The following UNC13C variants were observed in gnomAD, a reference collection of about 807,000 sequenced individuals.
The protein encoded by UNC13C is unc-13 homolog C.
In UNC13C, 174 loss-of-function variants were observed where a neutral mutation model predicts 245.4. That is an observed-to-expected ratio of 0.71 (90% CI 0.63 to 0.80). The LOEUF (loss-of-function observed/expected upper bound fraction) is 0.80, where lower values mean the gene tolerates loss of function less well. Ranked by LOEUF, UNC13C falls within the 30% of genes least tolerant of loss-of-function variation. The pLI, the probability that UNC13C is intolerant of heterozygous loss-of-function variation, is 0.00. For missense variants in UNC13C, 2,829 were observed against 2,602.9 expected, an observed-to-expected ratio of 1.09 and a Z score of -1.89; for synonymous variants, 992 against 895.1, an observed-to-expected ratio of 1.11 and a Z score of -1.93.
intron 19 of UNC13C, among the ~76,000 whole-genome samples, chr15:54,470,718 A>G (rs1158789700): frequency 6.6e-6 from 1 of 150,898 alleles, no homozygotes; most frequent in Non-Finnish European, 1.5e-5. Context: ...TTAGTCTTTT[A>G]AATTGCTTTT....
chr15:54,334,220 C>T (rs1057356648), intron 16 of UNC13C, among the ~76,000 whole-genome samples: 1 of 152,090 alleles, frequency 6.6e-6, no homozygotes, highest in Non-Finnish European at 1.5e-5. Flanking sequence ...TTTTTTGCTA[C>T]AAGAAAGTAG....
intron 4 of UNC13C, among the ~76,000 whole-genome samples, chr15:54,218,033 G>T (rs1363100028): frequency 6.6e-6 from 1 of 151,984 alleles, no homozygotes; most frequent in African/African-American, 2.4e-5. Context: ...AAGTAGAGAT[G>T]AGTAATATCA....
Position 54,014,508 on chromosome 15 carries a change from G to GCACT in UNC13C, c.1609_1612dup (p.Gln538LeufsTer4), listed in dbSNP as rs1895544703. On this transcript the variant is annotated frameshift_variant, in exon 2 of 33. Transcript: ENST00000260323. LOFTEE classifies it high-confidence loss of function. ...ATTATGCAGATGCAACACCTCTCTG[G>GCACT]CACTCACAGAGTGATTTTTTCACTG... The GCACT allele has an allele frequency of 1.2e-6, 2 of 1,613,680 alleles. No individual in the cohort carries two copies. The highest frequency in any genetic ancestry group is 2.7e-5 in the African/African-American group (2 of 74,918).
At chr15:54,589,976 G>A (rs1898698928) in intron 30 of UNC13C, among the ~76,000 whole-genome samples, 1 of 152,196 alleles carries the variant, frequency 6.6e-6, no homozygotes. Flanking sequence ...TAAGATGAGA[G>A]ATGAGGATCC....
At chr15:54,421,912 A>G (rs1170472049) in intron 19 of UNC13C, among the ~76,000 whole-genome samples, 1 of 152,070 alleles carries the variant, frequency 6.6e-6, no homozygotes, top group Non-Finnish European at 1.5e-5. Context: ...TCAATGCAAC[A>G]CAACAGGCAT....
At chr15:54,173,898 T>A (rs770251207) in intron 4 of UNC13C, among the ~76,000 whole-genome samples, 11 of 152,122 alleles carry the variant, frequency 7.2e-5, no homozygotes, top group East Asian at 5.8e-4. Context: ...CAGTTTTTTT[T>A]AATCATAAAT....
intron 4 of UNC13C, among the ~76,000 whole-genome samples, chr15:54,196,034 A>T (rs1046359283): frequency 3.3e-5 from 5 of 152,112 alleles, no homozygotes; most frequent in African/African-American, 1.2e-4. Flanking sequence ...ACTTATGAAC[A>T]CTGAAACAGT....
At chr15:54,481,772 G>A (rs1368166867) in intron 19 of UNC13C, among the ~76,000 whole-genome samples, 2 of 151,684 alleles carry the variant, frequency 1.3e-5, no homozygotes, top group East Asian at 1.9e-4. Flanking sequence ...GGTGTGTAGA[G>A]CAGCCCTGTC....
chr15:54,109,889 T>A (rs1426306897), intron 2 of UNC13C, among the ~76,000 whole-genome samples: 1 of 152,106 alleles, frequency 6.6e-6, no homozygotes, highest in Non-Finnish European at 1.5e-5. Flanking sequence ...CTCACTCTGC[T>A]TGGTGGCTAT....
At chr15:54,001,390 T>A (rs891729674) in intron 1 of UNC13C, among the ~76,000 whole-genome samples, 2 of 152,200 alleles carry the variant, frequency 1.3e-5, no homozygotes, top group Non-Finnish European at 2.9e-5. Context: ...AAAACACTTT[T>A]AACTGCATGT....
intron 4 of UNC13C, among the ~76,000 whole-genome samples, chr15:54,195,292 G>A (rs2034317093): frequency 1.3e-5 from 2 of 152,152 alleles, no homozygotes; most frequent in South Asian, 4.2e-4. Context: ...TCATTGGCTG[G>A]CAGATAAAAT....
intron 19 of UNC13C, among the ~76,000 whole-genome samples, chr15:54,455,205 CTATATATATATATATATA>C (rs1214014395): frequency 5.3e-5 from 1 of 18,974 alleles, no homozygotes. Flanking sequence ...CTCTCTCTCT[CTATATATATATATATATA>C]TATATATATA....
chr15:53,977,170 G>C (rs1445059173), upstream of UNC13C, among the ~76,000 whole-genome samples: 4 of 152,160 alleles, frequency 2.6e-5, no homozygotes, highest in Admixed American at 2.0e-4. Flanking sequence ...AAGCTGTGCT[G>C]CTCTGAATTA....
rs553269758 is a variant in UNC13C, at chr15:54,450,575, G to A, written c.4933+35508G>A. On this transcript the variant is annotated intron_variant, in intron 19 of 32. Coordinates refer to ENST00000260323, the MANE Select transcript of UNC13C (RefSeq NM_001080534.3). ...GGGCTTGGGACCCTCTGAGCCAGAC[G>A]TGGGATATAATCTCCTGGCATGCCG... 7.9e-5 allele frequency among the ~76,000 whole-genome samples: 12 copies of A among 152,354 alleles called. 1 individual carries two copies. The highest frequency in any genetic ancestry group is 6.2e-4 in the South Asian group (3 of 4,828).
intron 17 of UNC13C, among the ~76,000 whole-genome samples, chr15:54,340,712 G>A (rs551655027): frequency 6.6e-6 from 1 of 152,112 alleles, no homozygotes; most frequent in Non-Finnish European, 1.5e-5. Context: ...TTTGAAGTTA[G>A]GTAATGTGAG....
chr15:54,260,338 T>C (rs1196863645), intron 8 of UNC13C, among the ~76,000 whole-genome samples: 1 of 152,060 alleles, frequency 6.6e-6, no homozygotes, highest in Non-Finnish European at 1.5e-5. Context: ...AAAATGTGAC[T>C]GTTGAGTTTA....
chr15:54,104,553 C>T (rs76739088), intron 2 of UNC13C, among the ~76,000 whole-genome samples: 1,893 of 152,060 alleles, frequency 0.012, 35 homozygotes, highest in African/African-American at 0.045. Flanking sequence ...CTCCTTTTCT[C>T]AGTACTTAAT....
intron 2 of UNC13C, among the ~76,000 whole-genome samples, chr15:54,118,718 C>T (rs1292156277): frequency 6.6e-6 from 1 of 152,036 alleles, no homozygotes; most frequent in Non-Finnish European, 1.5e-5. Context: ...TTGTCTTGTT[C>T]TAGGTTTTTG....
chr15:54,459,433 G>C (rs1490644528), intron 19 of UNC13C, among the ~76,000 whole-genome samples: 1 of 152,128 alleles, frequency 6.6e-6, no homozygotes, highest in East Asian at 1.9e-4. Flanking sequence ...GTATTTGGAT[G>C]TGAAGATCTT....
Sources: gnomAD v4.1 joint callset for allele counts (sites outside exome capture counted in the v4.1 genomes callset) on GRCh38, gnomAD v4.1.1 for gene constraint, MANE v1.5 for transcripts, NCBI Gene and HGNC (gene_info 2026-07-23, HGNC 2026-07-21) for gene names.